The following NEO1 variants were observed in gnomAD, a reference collection of about 807,000 sequenced individuals.
NEO1 encodes neogenin 1, also known as neogenin.
Under a neutral mutation model 159.7 loss-of-function variants are expected in NEO1, and 63 were observed. That is an observed-to-expected ratio of 0.39 (90% CI 0.32 to 0.49). The LOEUF (loss-of-function observed/expected upper bound fraction) is 0.49. Among genes scored for constraint, NEO1 ranks in the 20% least tolerant of loss-of-function variants. The pLI is 0.85. For synonymous variants in NEO1, 633 were observed against 662.0 expected (o/e 0.96, Z 0.67); for missense variants, 1,615 against 1,831.0 (o/e 0.88, Z 2.15).
chr15:73,187,915 T>A (rs566654647), intron 7 of NEO1, among the ~76,000 whole-genome samples: 1 of 152,296 alleles, frequency 6.6e-6, no homozygotes, highest in Admixed American at 6.5e-5. Flanking sequence ...ACGTTGGAAA[T>A]TCGCAATGCT....
At chr15:73,291,357 G>A (rs1489941828) in intron 25 of NEO1, among the ~76,000 whole-genome samples, 1 of 152,132 alleles carries the variant, frequency 6.6e-6, no homozygotes, top group African/African-American at 2.4e-5. Flanking sequence ...TTGTCCAGTT[G>A]ATATCATTCT....
chr15:73,284,166 A>G (rs115719976), intron 23 of NEO1, among the ~76,000 whole-genome samples: 1,916 of 152,334 alleles, frequency 0.013, 33 homozygotes, highest in African/African-American at 0.044. Flanking sequence ...TAGATAGAAA[A>G]AAAAAAGGAG....
At chr15:73,243,832 C>T (rs923590735) in intron 8 of NEO1, among the ~76,000 whole-genome samples, 1 of 152,134 alleles carries the variant, frequency 6.6e-6, no homozygotes, top group African/African-American at 2.4e-5. Flanking sequence ...GACTGGGTTA[C>T]ACTTAGGATT....
intron 7 of NEO1, among the ~76,000 whole-genome samples, chr15:73,233,404 A>G (rs1447375943): frequency 6.6e-6 from 1 of 152,176 alleles, no homozygotes; most frequent in East Asian, 1.9e-4. Flanking sequence ...AACCAAAGAG[A>G]TTAAAATATT....
chr15:73,218,959 T>G (rs2038067828), intron 7 of NEO1, among the ~76,000 whole-genome samples: 1 of 152,148 alleles, frequency 6.6e-6, no homozygotes, highest in South Asian at 2.1e-4. Context: ...TCTTGCCTTC[T>G]GCTAGCTTTT....
At chr15:73,289,322 C>T in intron 25 of NEO1, 84 bp downstream of exon 25, 3 of 1,139,680 alleles carry the variant, frequency 2.6e-6, no homozygotes, top group Non-Finnish European at 3.9e-6. Flanking sequence ...TTTTTGACTT[C>T]ACTTGATTCT....
intron 23 of NEO1, among the ~76,000 whole-genome samples, chr15:73,287,085 T>G (rs1242018590): frequency 6.6e-6 from 1 of 152,236 alleles, no homozygotes; most frequent in Non-Finnish European, 1.5e-5. Context: ...AAGCTCTTTA[T>G]GATCTGGTCC....
At chr15:73,203,677 A>T (rs2037043723) in intron 7 of NEO1, among the ~76,000 whole-genome samples, 2 of 152,050 alleles carry the variant, frequency 1.3e-5, no homozygotes, top group Non-Finnish European at 2.9e-5. Flanking sequence ...TACGTTTTTA[A>T]CTAACCTAGG....
chr15:73,083,405 C>T (rs552849264), intron 1 of NEO1, among the ~76,000 whole-genome samples: 1 of 151,988 alleles, frequency 6.6e-6, no homozygotes, highest in East Asian at 1.9e-4. Context: ...TTCTGGCATT[C>T]ATACATTCAA....
At chr15:73,205,225 C>T (rs1395921210) in intron 7 of NEO1, among the ~76,000 whole-genome samples, 1 of 152,108 alleles carries the variant, frequency 6.6e-6, no homozygotes, top group Non-Finnish European at 1.5e-5. Context: ...GCTTTCTTCC[C>T]CCTGTTCCCT....
chr15:73,220,661 G>C (rs912862815), intron 7 of NEO1, among the ~76,000 whole-genome samples: 1 of 151,726 alleles, frequency 6.6e-6, no homozygotes, highest in Non-Finnish European at 1.5e-5. Context: ...TTCCCTTCTC[G>C]CTTCATTTCC....
At chr15:73,163,868 A>T (rs1357250299) in intron 5 of NEO1, among the ~76,000 whole-genome samples, 2 of 152,168 alleles carry the variant, frequency 1.3e-5, no homozygotes, top group Non-Finnish European at 2.9e-5. Flanking sequence ...TAGTACAGTA[A>T]TGCACATTGG....
chr15:73,296,655 T>G lies in NEO1; in HGVS notation c.3902-1693T>G, dbSNP rs114397711. Among the ~76,000 whole-genome samples, 362 of 152,250 alleles carry G rather than the reference T, an allele frequency of 2.4e-3. 3 individuals carry two copies. Among genetic ancestry groups the G allele is most frequent in the African/African-American group, 7.5e-3 (311 of 41,546 alleles). On this transcript the variant is annotated intron_variant, in intron 26 of 28. Coordinates refer to ENST00000261908, the MANE Select transcript of NEO1 (RefSeq NM_002499.4). ...CAGTATCCCCATCTGCGGGGATACA[T>G]TCCAAGACCCTCCCCCTCCCCCCGC...
intron 1 of NEO1, among the ~76,000 whole-genome samples, chr15:73,082,725 CTG>C (rs1366449270): frequency 2.0e-5 from 3 of 152,080 alleles, no homozygotes; most frequent in Admixed American, 1.3e-4. Flanking sequence ...TATATGGGCA[CTG>C]TGTTAGGTAT....
chr15:73,258,942 G>A, intron 14 of NEO1, 66 bp downstream of exon 14: 1 of 1,377,924 alleles, frequency 7.3e-7, no homozygotes. Flanking sequence ...GAGTCAAACT[G>A]GAAAGCCACA....
At chr15:73,181,950 A>G (rs954390681) in intron 7 of NEO1, among the ~76,000 whole-genome samples, 2 of 145,012 alleles carry the variant, frequency 1.4e-5, no homozygotes, top group African/African-American at 5.1e-5. Context: ...ACTGCTGTTA[A>G]AGACATACCT....
chr15:73,191,552 C>T (rs1185016333), intron 7 of NEO1, among the ~76,000 whole-genome samples: 2 of 139,474 alleles, frequency 1.4e-5, no homozygotes, highest in Admixed American at 7.7e-5. Context: ...GACAGAGTAT[C>T]GATGAGAATT....
At chr15:73,179,841 A>G (rs945542358) in intron 7 of NEO1, among the ~76,000 whole-genome samples, 2 of 148,150 alleles carry the variant, frequency 1.3e-5, no homozygotes, top group African/African-American at 5.0e-5. Context: ...CTGCATCAAT[A>G]TTGTTTCTTA....
intron 5 of NEO1, among the ~76,000 whole-genome samples, chr15:73,148,470 T>C (rs186660196): frequency 2.6e-5 from 4 of 152,320 alleles, no homozygotes; most frequent in African/African-American, 4.8e-5. Context: ...AGTGGAAAGA[T>C]AATGTCCTAG....
Sources: gnomAD v4.1 joint callset for allele counts (sites outside exome capture counted in the v4.1 genomes callset) on GRCh38, gnomAD v4.1.1 for gene constraint, MANE v1.5 for transcripts, NCBI Gene and HGNC (gene_info 2026-07-23, HGNC 2026-07-21) for gene names.